The following PCDHGA11 variants were observed in gnomAD, a reference collection of about 807,000 sequenced individuals.
The protein encoded by PCDHGA11 is protocadherin gamma-A11.
In PCDHGA11, 39 loss-of-function variants were observed where a neutral mutation model predicts 60.4. The ratio of observed to expected loss-of-function variants is 0.65; its 90% CI spans 0.50 to 0.84. PCDHGA11 has a LOEUF of 0.84. PCDHGA11 is among the 40% of genes least tolerant of loss of function. PCDHGA11 has a pLI of 0.00. For synonymous variants in PCDHGA11, 533 were observed against 510.3 expected, an observed-to-expected ratio of 1.04 and a Z score of -0.60; for missense variants, 1,165 against 1,197.7, an observed-to-expected ratio of 0.97 and a Z score of 0.40.
chr5:141,476,979 G>A lies in PCDHGA11; in HGVS notation c.2434-17828G>A, dbSNP rs772801536. On this transcript the variant is annotated intron_variant, in intron 1 of 3. Coordinates refer to ENST00000398587, the MANE Select transcript of PCDHGA11 (RefSeq NM_018914.3). The surrounding 1 kb of genome is among the most constrained non-coding windows in gnomAD (Gnocchi z 7.6). ...ATTTACTCCTTCGGCAGCCACAACC[G>A]CGCCGGCGTGCGGCAACTATTCGCC... The A allele has an allele frequency of 1.9e-6, 3 of 1,614,238 alleles. No homozygotes were observed. The South Asian group carries it at 3.3e-5, about 18-fold the overall frequency.
Position 141,423,440 on chromosome 5 carries a change from C to G in PCDHGA11, c.2213C>G (p.Thr738Arg). 1 of 1,613,970 alleles carries G rather than the reference C, an allele frequency of 6.2e-7. No homozygotes were observed. The highest frequency in any genetic ancestry group is 1.1e-5 in the South Asian group (1 of 91,066). Residue 738 changes from threonine to arginine, a missense_variant, in exon 1 of 4, where the codon ACG (threonine) becomes AGG (arginine). Coordinates refer to ENST00000398587, the MANE Select transcript of PCDHGA11 (RefSeq NM_018914.3). ...ASEGGLAGMPTSHFVGVDGVQ... is the reference protein window; with the variant it reads ...ASEGGLAGMPRSHFVGVDGVQ... ...GAAGGCGGGTTGGCAGGTATGCCCA[C>G]GTCACATTTTGTAGGCGTGGACGGG...
Position 141,477,160 on chromosome 5 carries a change from C to A in PCDHGA11, c.2434-17647C>A, listed in dbSNP as rs768436526. The A allele has an allele frequency of 1.9e-5, 31 of 1,614,068 alleles. No homozygotes were observed. The African/African-American group carries it at 3.6e-4, about 19-fold the overall frequency. On this transcript the variant is annotated intron_variant, in intron 1 of 3. Coordinates refer to ENST00000398587, the MANE Select transcript of PCDHGA11 (RefSeq NM_018914.3). This position sits in a 1 kb window ranked among gnomAD's most constrained non-coding sequence, Gnocchi z 4.9. ...TGGAGGTTGTGGATGTGAATGACAA[C>A]GCCCCGGAGATCACAGTCACCTCCG...
Position 141,422,519 on chromosome 5 carries a change from C to G in PCDHGA11, c.1292C>G (p.Pro431Arg). 6.2e-7 allele frequency: 1 copy of G among 1,613,968 alleles called. No individual in the cohort carries two copies. Among genetic ancestry groups the G allele is most frequent in the Non-Finnish European group, 8.5e-7 (1 of 1,179,876 alleles). Residue 431 changes from proline to arginine, a missense_variant, in exon 1 of 4, where the codon CCG (proline) becomes CGG (arginine). Pro to Arg is a moderately radical substitution (Grantham distance 103, BLOSUM62 -2). Transcript: ENST00000398587. ...ITLTATDQGS[P>R]PLSAETHVWL... ...TTGACAGCCACAGACCAGGGAAGCC[C>G]GCCTTTGTCTGCAGAAACTCATGTC...
chr5:141,496,192 C>T (rs942276204), intron 2 of PCDHGA11, among the ~76,000 whole-genome samples: 1 of 152,098 alleles, frequency 6.6e-6, no homozygotes, highest in Non-Finnish European at 1.5e-5. Flanking sequence ...CCCAGCTGCT[C>T]ATTTCAATCT....
intron 1 of PCDHGA11, among the ~76,000 whole-genome samples, chr5:141,443,514 C>T (rs1386662758): frequency 6.6e-6 from 1 of 152,056 alleles, no homozygotes; most frequent in Non-Finnish European, 1.5e-5. Flanking sequence ...AAGAGCTTCT[C>T]TCCTTATGAC....
intron 2 of PCDHGA11, among the ~76,000 whole-genome samples, chr5:141,500,333 A>G (rs1237684682): frequency 6.6e-6 from 1 of 151,336 alleles, no homozygotes; most frequent in Non-Finnish European, 1.5e-5. Context: ...CTCAGCCTCC[A>G]GAATAGCTGG....
intron 2 of PCDHGA11, among the ~76,000 whole-genome samples, chr5:141,503,855 TA>T (rs2099832899): frequency 1.3e-5 from 2 of 152,136 alleles, no homozygotes; most frequent in Non-Finnish European, 2.9e-5. Context: ...GGAAAAATTG[TA>T]AAGCAGTTCT....
Position 141,447,812 on chromosome 5 carries a change from G to A in PCDHGA11, c.2433+24152G>A, listed in dbSNP as rs557330895. 5.4e-4 allele frequency among the ~76,000 whole-genome samples: 82 copies of A among 152,254 alleles called. 1 individual carries two copies. The highest frequency in any genetic ancestry group is 1.3e-3 in the Admixed American group (20 of 15,294). On this transcript the variant is annotated intron_variant, in intron 1 of 3. Coordinates refer to ENST00000398587, the MANE Select transcript of PCDHGA11 (RefSeq NM_018914.3). ...TTTAAGAAAATAAAATTGGCTGGGC[G>A]TGGTGGCTCACGCCTGTAATCCCAG...
In PCDHGA11 at chr5:141,485,457, T is replaced by G; in HGVS notation, c.2434-9350T>G. 1 of 1,614,124 alleles carries G rather than the reference T, an allele frequency of 6.2e-7. No individual in the cohort carries two copies. Among genetic ancestry groups the G allele is most frequent in the Non-Finnish European group, 8.5e-7 (1 of 1,180,020 alleles). On this transcript the variant is annotated intron_variant, in intron 1 of 3. Coordinates refer to ENST00000398587, the MANE Select transcript of PCDHGA11 (RefSeq NM_018914.3). This position sits in a 1 kb window ranked among gnomAD's most constrained non-coding sequence, Gnocchi z 5.7. ...AAGAACCCAATCGACCGAGAGGCAC[T>G]GTGTGGGCTCAGTGCCAGCTGCATC...
intron 2 of PCDHGA11, among the ~76,000 whole-genome samples, chr5:141,499,576 G>C (rs2099792836): frequency 1.3e-5 from 2 of 151,790 alleles, no homozygotes; most frequent in Non-Finnish European, 2.9e-5. Context: ...TTCAACTAAT[G>C]CCTTATCTTG....
Position 141,477,685 on chromosome 5 carries a change from G to A in PCDHGA11, c.2434-17122G>A, listed in dbSNP as rs1218415502. ...ACAATGGCATAGTGTCATCCTTAGT[G>A]CCCCTAGACTATGAGGATCGGCGGG... On this transcript the variant is annotated intron_variant, in intron 1 of 3. Transcript: ENST00000398587. This position sits in a 1 kb window ranked among gnomAD's most constrained non-coding sequence, Gnocchi z 4.9. The A allele has an allele frequency of 6.2e-7, 1 of 1,614,116 alleles. No individual in the cohort carries two copies. The highest frequency in any genetic ancestry group is 8.5e-7 in the Non-Finnish European group (1 of 1,180,040).
intron 1 of PCDHGA11, among the ~76,000 whole-genome samples, chr5:141,444,466 C>A (rs539222916): frequency 1.3e-5 from 2 of 151,982 alleles, no homozygotes; most frequent in African/African-American, 4.8e-5. Flanking sequence ...TCACTGCGCC[C>A]GGTCGCGTAC....
intron 1 of PCDHGA11, chr5:141,433,247 G>A (rs1393219042): frequency 2.8e-6 from 4 of 1,447,840 alleles, no homozygotes; most frequent in Non-Finnish European, 3.8e-6. Context: ...AAGCTGGAAT[G>A]CAGCGGTACG....
chr5:141,438,037 G>A (rs2097925203), intron 1 of PCDHGA11, among the ~76,000 whole-genome samples: 1 of 151,910 alleles, frequency 6.6e-6, no homozygotes, highest in African/African-American at 2.4e-5. Flanking sequence ...CACCATGCCC[G>A]ACCACTTTGA....
intron 1 of PCDHGA11, chr5:141,478,359 G>A: frequency 6.2e-7 from 1 of 1,613,734 alleles, no homozygotes; most frequent in Non-Finnish European, 8.5e-7. Flanking sequence ...GACGCCGTGC[G>A]GGGAGGCCTG....
intron 1 of PCDHGA11, among the ~76,000 whole-genome samples, chr5:141,443,297 A>G (rs1208893030): frequency 6.7e-6 from 1 of 148,196 alleles, no homozygotes; most frequent in East Asian, 2.0e-4. Context: ...CCTGGACAGC[A>G]TGGCAAAAAC....
chr5:141,488,292 G>A (rs961688781), intron 1 of PCDHGA11, among the ~76,000 whole-genome samples: 1 of 152,216 alleles, frequency 6.6e-6, no homozygotes, highest in African/African-American at 2.4e-5. Flanking sequence ...AAAACAGTAA[G>A]TGAAATCACT....
intron 1 of PCDHGA11, among the ~76,000 whole-genome samples, chr5:141,455,425 A>G (rs2098822334): frequency 1.3e-5 from 2 of 152,168 alleles, no homozygotes; most frequent in African/African-American, 2.4e-5. Flanking sequence ...CGGGGCTCCA[A>G]AAGAGGAGGT....
chr5:141,510,791 A>C (rs1244085822), intron 3 of PCDHGA11, 156 bp from the exon 4 acceptor site: 1 of 929,250 alleles, frequency 1.1e-6, no homozygotes, highest in Non-Finnish European at 1.3e-6. Context: ...AACTCTTGTG[A>C]AGAGAGACTA....
Sources: allele counts gnomAD v4.1 joint callset (sites outside exome capture counted in the v4.1 genomes callset), GRCh38; gene constraint gnomAD v4.1.1; non-coding constraint Gnocchi (gnomAD v3.1); transcripts MANE v1.5; gene names NCBI Gene and HGNC (gene_info 2026-07-23, HGNC 2026-07-21).